Variants in FGF20 observed in about 807,000 individuals in gnomAD.
The protein encoded by FGF20 is fibroblast growth factor 20.
Under a neutral mutation model 16.7 loss-of-function variants are expected in FGF20, and 8 were observed. The ratio of observed to expected loss-of-function variants is 0.48; its 90% confidence interval spans 0.28 to 0.87. FGF20 has a LOEUF of 0.87. Among genes scored for constraint, FGF20 ranks in the 40% least tolerant of loss-of-function variants. FGF20 has a pLI of 0.10. For synonymous variants in FGF20, 161 were observed against 118.6 expected (o/e 1.36, Z -2.32); for missense variants, 397 against 281.4 (o/e 1.41, Z -2.94).
Position 17,001,958 on chromosome 8 carries a change from G to C in FGF20, c.75C>G (p.Phe25Leu). The change falls in exon 1 of 3, where the codon TTC (phenylalanine) becomes TTG (leucine). Residue 25 changes from phenylalanine (F) to leucine (L), a missense_variant. Transcript: ENST00000180166. ...EGLGQQVGSH[F>L]LLPPAGERPP... ...GCCGCTCCCCGGCAGGAGGCAACAG[G>C]AAATGCGAACCCACCTGCTGGCCCA... is the stretch of plus-strand genomic sequence containing the variant. The C allele has an allele frequency of 6.6e-7, 1 of 1,506,136 alleles. No homozygotes were observed. Among genetic ancestry groups the C allele is most frequent in the South Asian group, 1.3e-5 (1 of 79,930 alleles). 93.3% of individuals were successfully genotyped at this position (1,506,136 alleles called of 1,614,324 possible).
intron 2 of FGF20, among the ~76,000 whole-genome samples, chr8:16,995,153 C>T (rs17550213): frequency 0.07 from 10,733 of 152,260 alleles, 769 homozygotes; most frequent in East Asian, 0.38. Flanking sequence ...TTCAAGACTA[C>T]AGGCATAGAA....
At chr8:17,000,609 C>A (rs931110394) in intron 1 of FGF20, among the ~76,000 whole-genome samples, 1 of 151,972 alleles carries the variant, frequency 6.6e-6, no homozygotes, top group Non-Finnish European at 1.5e-5. Flanking sequence ...TAATCAAAAT[C>A]CTTTGACATT....
In FGF20 at chr8:16,998,982, A is replaced by T. The variant is rs17515006; in HGVS notation, c.286+2765T>A. Among the ~76,000 whole-genome samples, 93 of 152,322 alleles carry T rather than the reference A, an allele frequency of 6.1e-4. No homozygotes were observed. In the East Asian group the frequency reaches 0.014, roughly 22 times the overall value. On this transcript the variant is annotated intron_variant, in intron 1 of 2. Transcript: ENST00000180166. ...TAGCAAAGATAGGAGTTTAAAAAAC[A>T]TAATAATTTAATAATTAGTAACTGA...
At chr8:16,995,150 C>T (rs1468152307) in intron 2 of FGF20, among the ~76,000 whole-genome samples, 2 of 152,216 alleles carry the variant, frequency 1.3e-5, no homozygotes, top group African/African-American at 4.8e-5. Flanking sequence ...ATTTTCAAGA[C>T]TACAGGCATA....
At chr8:16,998,430 A>G (rs1306870493) in intron 1 of FGF20, among the ~76,000 whole-genome samples, 1 of 151,926 alleles carries the variant, frequency 6.6e-6, no homozygotes, top group East Asian at 1.9e-4. Flanking sequence ...GTAATTTGTA[A>G]TCATTTGATT....
At chr8:16,995,780 A>G in intron 1 of FGF20, 22 bp from the exon 2 acceptor site, 11 of 1,352,922 alleles carry the variant, frequency 8.1e-6, no homozygotes, top group Non-Finnish European at 1.2e-5. Context: ...AACAATTCAT[A>G]AAAACACCAT....
intron 1 of FGF20, among the ~76,000 whole-genome samples, chr8:16,996,149 C>A (rs556096078): frequency 6.6e-6 from 1 of 152,116 alleles, no homozygotes; most frequent in Non-Finnish European, 1.5e-5. Flanking sequence ...TTAACAGGAA[C>A]CTCGAACCTC....
rs1255945759 is a variant in FGF20 at position 16,992,826 on chromosome 8, T to C, written c.*246A>G. 2.8e-6 allele frequency: 1 copy of C among 360,626 alleles called. No individual in the cohort carries two copies. The highest frequency in any genetic ancestry group is 2.1e-5 in the African/African-American group (1 of 47,100). The allele number at this position is 360,626 out of a possible 1,614,324, so 22.3% of individuals were successfully genotyped here. ...CAGTTTAACAGATTTTTGGCTTCAG[T>C]CTACTGGTAAGGACTAATCCAATGT... On this transcript the variant is annotated 3_prime_UTR_variant, in exon 3 of 3. Coordinates refer to ENST00000180166, the MANE Select transcript of FGF20 (RefSeq NM_019851.3).
rs766382683 is a variant in FGF20, at chr8:16,995,725, A to G, written c.320T>C (p.Leu107Pro). ...ACTGTCCACACCTCTAATACTGACC[A>G]GTCCCACTGCCACACTGATGAATTC... Reference protein sequence around the residue: ...ILEFISVAVGLVSIRGVDSGL... With the variant: ...ILEFISVAVGPVSIRGVDSGL... The change falls in exon 2 of 3, where the codon CTG becomes CCG. Residue 107 changes from leucine to proline, a missense_variant. By Grantham distance (98) the Leu-to-Pro change is moderately conservative. Transcript: ENST00000180166. The G allele has an allele frequency of 1.2e-6, 2 of 1,607,866 alleles. No homozygotes were observed. Among genetic ancestry groups the G allele is most frequent in the Non-Finnish European group, 8.5e-7 (1 of 1,175,380 alleles).
At chr8:17,001,697 G>A in intron 1 of FGF20, 50 bp downstream of exon 1, 1 of 1,511,352 alleles carries the variant, frequency 6.6e-7, no homozygotes, top group Non-Finnish European at 8.8e-7. Flanking sequence ...AGGGAACGAG[G>A]AGCCGAGCTG....
intron 1 of FGF20, among the ~76,000 whole-genome samples, chr8:16,998,188 A>T (rs1227936928): frequency 6.6e-6 from 1 of 152,214 alleles, no homozygotes; most frequent in African/African-American, 2.4e-5. Flanking sequence ...CTTGCCGAAA[A>T]AATATGTAGC....
At chr8:16,998,388 T>C (rs1447657371) in intron 1 of FGF20, among the ~76,000 whole-genome samples, 1 of 152,180 alleles carries the variant, frequency 6.6e-6, no homozygotes, top group Non-Finnish European at 1.5e-5. Context: ...ATTCTGATCC[T>C]TTTTCTCCTT....
rs1242227215 is a variant in FGF20, at chr8:17,001,800, T to C, written c.233A>G (p.Gln78Arg). ...QLYCRTGFHL[Q>R]ILPDGSVQGT... ...CTGCACGCTGCCGTCGGGCAGGATC[T>C]GCAGGTGGAAGCCGGTGCGGCAATA... The change falls in exon 1 of 3, where the codon CAG becomes CGG. Residue 78 changes from glutamine to arginine, a missense_variant. Coordinates refer to ENST00000180166, the MANE Select transcript of FGF20 (RefSeq NM_019851.3). 1.3e-6 allele frequency: 2 copies of C among 1,566,382 alleles called. No individual in the cohort carries two copies. The highest frequency in any genetic ancestry group is 1.7e-6 in the Non-Finnish European group (2 of 1,160,564).
chr8:17,001,583 G>C (rs567883902), intron 1 of FGF20, among the ~76,000 whole-genome samples, 164 bp downstream of exon 1: 1 of 152,206 alleles, frequency 6.6e-6, no homozygotes, highest in African/African-American at 2.4e-5. Flanking sequence ...GCTCTGGCCA[G>C]CCCTTCAGCC....
chr8:17,001,694 G>A (rs902241171), intron 1 of FGF20, 53 bp downstream of exon 1: 5 of 1,503,126 alleles, frequency 3.3e-6, no homozygotes, highest in South Asian at 2.6e-5. Context: ...GGGAGGGAAC[G>A]AGGAGCCGAG....
chr8:16,994,995 C>T (rs1368165173), intron 2 of FGF20, among the ~76,000 whole-genome samples: 1 of 151,984 alleles, frequency 6.6e-6, no homozygotes, highest in Non-Finnish European at 1.5e-5. Flanking sequence ...CAAAAAAAAA[C>T]TTAAACTGAT....
chr8:17,001,888 G>T lies in FGF20; in HGVS notation c.145C>A (p.Arg49Ser), dbSNP rs1014889171. 4 of 1,437,086 alleles carry T rather than the reference G, an allele frequency of 2.8e-6. No individual in the cohort carries two copies. The highest frequency in any genetic ancestry group is 3.4e-5 in the Admixed American group (1 of 29,732). 89.0% of individuals were successfully genotyped at this position (1,437,086 alleles called of 1,614,324 possible). Residue 49 changes from arginine to serine, a missense_variant, in exon 1 of 3, where the codon CGC becomes AGC. By Grantham distance (110) the Arg-to-Ser change is moderately radical. Transcript: ENST00000180166. The part of the protein sequence containing the change: ...ERRSAAERSA[R>S]GGPGAAQLAH... ...AGCTGCGCAGCCCCCGGCCCGCCGC[G>T]CGCGCTCCGCTCCGCCGCGCTCCTG...
At position 16,999,697 on chromosome 8, in the gene FGF20, T is replaced by TG. The variant is rs1300747357; in HGVS notation, c.286+2049_286+2050insC. ...CCAACACGCCCAGCTAATTTTTTTT[T>TG]TTTTTTTGTATTTTTTGTATTTTTA... On this transcript the variant is annotated intron_variant, in intron 1 of 2. Transcript: ENST00000180166. 5.4e-3 allele frequency among the ~76,000 whole-genome samples: 808 copies of TG among 149,944 alleles called. 10 individuals are homozygous for TG. Among genetic ancestry groups the TG allele is most frequent in the African/African-American group, 0.018 (715 of 40,742 alleles).
intron 1 of FGF20, among the ~76,000 whole-genome samples, chr8:16,998,759 C>CT (rs893744981): frequency 3.7e-4 from 54 of 146,142 alleles, no homozygotes; most frequent in South Asian, 2.0e-3. Flanking sequence ...TCAGGCTAAA[C>CT]TTTTTTTTTT....
Sources: gnomAD v4.1 joint callset for allele counts (sites outside exome capture counted in the v4.1 genomes callset) on GRCh38, gnomAD v4.1.1 for gene constraint, MANE v1.5 for transcripts, NCBI Gene and HGNC (gene_info 2026-07-23, HGNC 2026-07-21) for gene names.